The following ADAMTS20 variants were observed in gnomAD, a reference collection of about 807,000 sequenced individuals.
ADAMTS20 encodes the protein ADAM metallopeptidase with thrombospondin type 1 motif 20.
A neutral mutation model predicts 260.1 loss-of-function variants in ADAMTS20; 225 were observed. The observed-to-expected ratio is 0.87, with a 90% CI of 0.78 to 0.97. ADAMTS20 has a LOEUF of 0.97. ADAMTS20 is among the 50% of genes least tolerant of loss of function. ADAMTS20 has a pLI of 0.00. For synonymous variants in ADAMTS20, 802 were observed against 769.5 expected (o/e 1.04, Z -0.70); for missense variants, 2,400 against 2,337.7 (o/e 1.03, Z -0.55).
chr12:43,526,171 T>C (rs969750953), intron 3 of ADAMTS20, among the ~76,000 whole-genome samples: 4 of 152,146 alleles, frequency 2.6e-5, no homozygotes, highest in Non-Finnish European at 5.9e-5. Context: ...AGGAATGATA[T>C]CGGCCAGGCG....
intron 31 of ADAMTS20, among the ~76,000 whole-genome samples, chr12:43,381,780 C>CAAAAAAAAAAAA (rs765135656): frequency 5.8e-5 from 2 of 34,518 alleles, no homozygotes; most frequent in African/African-American, 2.5e-4. Context: ...GACTGCATCT[C>CAAAAAAAAAAAA]AAAAAAAAAA....
rs138790657 is a variant in ADAMTS20, at chr12:43,551,005, G to A, written c.357C>T (p.Ser119=). 1.2e-6 allele frequency: 2 copies of A among 1,613,182 alleles called. No individual in the cohort carries two copies. The highest frequency in any genetic ancestry group is 1.1e-5 in the South Asian group (1 of 91,014). Reference sequence around the variant, plus strand: ...GGCGCAGGTCCGAGGGCCCTGCGTCGCTCTCCCAGGCCCCGCGCTCCGGGG... The same window carrying A: ...GGCGCAGGTCCGAGGGCCCTGCGTCACTCTCCCAGGCCCCGCGCTCCGGGG... ...LGTPERGAWE[S]DAGPSDLRHC... The change falls in exon 2 of 39, where the codon AGC becomes AGT. Residue 119 remains serine (S), a synonymous_variant. Transcript: ENST00000389420. The surrounding 1 kb of genome is among the most constrained non-coding windows in gnomAD (Gnocchi z 4.6).
chr12:43,493,396 C>G, intron 4 of ADAMTS20, 143 bp from the exon 5 acceptor site: 1 of 624,412 alleles, frequency 1.6e-6, no homozygotes, highest in Admixed American at 3.0e-5. Context: ...TTAACAAATC[C>G]TCATGTTCAG....
At chr12:43,400,717 A>G (rs961535872) in intron 28 of ADAMTS20, among the ~76,000 whole-genome samples, 1 of 152,002 alleles carries the variant, frequency 6.6e-6, no homozygotes, top group African/African-American at 2.4e-5. Context: ...TATACTAAAA[A>G]AAAAAATTCA....
chr12:43,501,481 G>GCGCACGCACACACACA (rs373746834), intron 4 of ADAMTS20, among the ~76,000 whole-genome samples: 1 of 117,810 alleles, frequency 8.5e-6, no homozygotes, highest in African/African-American at 3.2e-5. Context: ...GCGCGCGCGC[G>GCGCACGCACACACACA]CACACACACA....
Position 43,502,678 on chromosome 12 carries a change from A to G in ADAMTS20, c.614-273T>C, listed in dbSNP as rs568339776. Among the ~76,000 whole-genome samples, 47 of 152,284 alleles carry G rather than the reference A, an allele frequency of 3.1e-4. 1 individual carries two copies. Among genetic ancestry groups the G allele is most frequent in the Admixed American group, 2.2e-3 (33 of 15,296 alleles). On this transcript the variant is annotated intron_variant, in intron 3 of 38. Transcript: ENST00000389420. ...CTAAGTCATATTTGAAAAGGAAGGT[A>G]TGACGATTCAAAAGCATTTATTAAC...
At chr12:43,430,548 CCT>C in intron 22 of ADAMTS20, 77 bp from the exon 23 acceptor site, 1 of 1,321,368 alleles carries the variant, frequency 7.6e-7, no homozygotes, top group South Asian at 1.5e-5. Context: ...TAATGAATAC[CCT>C]GTTAATAATA....
At chr12:43,428,184 A>G in intron 26 of ADAMTS20, 57 bp downstream of exon 26, 1 of 1,543,334 alleles carries the variant, frequency 6.5e-7, no homozygotes, top group Non-Finnish European at 8.8e-7. Context: ...ATACCTGTTA[A>G]AAGGATGTAA....
intron 3 of ADAMTS20, among the ~76,000 whole-genome samples, chr12:43,526,145 A>G (rs1396478417): frequency 2.6e-5 from 4 of 152,204 alleles, no homozygotes; most frequent in Admixed American, 6.5e-5. Context: ...ACAAATCTCA[A>G]TACATTTTTA....
chr12:43,409,586 A>C (rs867160669), intron 28 of ADAMTS20, among the ~76,000 whole-genome samples: 2 of 106,648 alleles, frequency 1.9e-5, no homozygotes, highest in Non-Finnish European at 3.4e-5. Flanking sequence ...TGGGCGACAG[A>C]GCGAGACTCC....
At chr12:43,433,012 C>G (rs945861927) in intron 19 of ADAMTS20, among the ~76,000 whole-genome samples, 4 of 152,054 alleles carry the variant, frequency 2.6e-5, no homozygotes, top group Non-Finnish European at 5.9e-5. Context: ...GAGGTGCGTC[C>G]AAGGAACCCC....
chr12:43,493,186 A>T lies in ADAMTS20; in HGVS notation c.935T>A (p.Met312Lys). ...GTTTCTTACCTCCTCACGGTGAATC[A>T]TAACTAATTTTACCACTACTATGTG... is the stretch of plus-strand genomic sequence containing the variant. ...LIHIVVVKLV[M>K]IHREEEGPVI... Residue 312 changes from methionine (M) to lysine (K), a missense_variant, in exon 5 of 39, where the codon ATG becomes AAG. Transcript: ENST00000389420. The T allele has an allele frequency of 6.4e-7, 1 of 1,562,058 alleles. No individual in the cohort carries two copies. The highest frequency in any genetic ancestry group is 8.7e-7 in the Non-Finnish European group (1 of 1,151,834).
chr12:43,454,943 A>G (rs886353883), intron 11 of ADAMTS20, among the ~76,000 whole-genome samples: 3 of 152,228 alleles, frequency 2.0e-5, no homozygotes, highest in African/African-American at 7.2e-5. Context: ...GCCATATTTA[A>G]GCATATAGTT....
At chr12:43,528,776 G>T (rs1272146694) in intron 3 of ADAMTS20, among the ~76,000 whole-genome samples, 2 of 152,004 alleles carry the variant, frequency 1.3e-5, no homozygotes, top group Non-Finnish European at 2.9e-5. Flanking sequence ...GACCCAAAAA[G>T]CAAACACGAC....
At chr12:43,365,378 C>G (rs901852921) in intron 37 of ADAMTS20, among the ~76,000 whole-genome samples, 1 of 152,000 alleles carries the variant, frequency 6.6e-6, no homozygotes, top group African/African-American at 2.4e-5. Context: ...TTGCATATCT[C>G]TTCACTTTTC....
chr12:43,515,819 A>C (rs1165449017), intron 3 of ADAMTS20, among the ~76,000 whole-genome samples: 4 of 152,192 alleles, frequency 2.6e-5, no homozygotes, highest in Non-Finnish European at 4.4e-5. Flanking sequence ...AAGTAGGAAA[A>C]AATCAAACTT....
intron 37 of ADAMTS20, among the ~76,000 whole-genome samples, chr12:43,365,695 T>C (rs1407238614): frequency 6.6e-6 from 1 of 151,974 alleles, no homozygotes; most frequent in Non-Finnish European, 1.5e-5. Context: ...AATACCAATA[T>C]GTTGCAAGTT....
chr12:43,464,949 A>C (rs1942128525), intron 9 of ADAMTS20, among the ~76,000 whole-genome samples: 1 of 152,112 alleles, frequency 6.6e-6, no homozygotes, highest in South Asian at 2.1e-4. Context: ...GCATGTTTGC[A>C]CTTAATCCCC....
chr12:43,544,342 CA>C (rs1428631782), intron 2 of ADAMTS20, among the ~76,000 whole-genome samples: 3 of 152,132 alleles, frequency 2.0e-5, no homozygotes, highest in Admixed American at 1.3e-4. Context: ...AAATATTTGG[CA>C]TATATAAATA....
Sources: gnomAD v4.1 joint callset for allele counts (sites outside exome capture counted in the v4.1 genomes callset) on GRCh38, gnomAD v4.1.1 for gene constraint, Gnocchi (gnomAD v3.1) non-coding constraint, MANE v1.5 for transcripts, NCBI Gene and HGNC (gene_info 2026-07-23, HGNC 2026-07-21) for gene names.